Variants in CLTCL1 observed in about 807,000 individuals in gnomAD.
CLTCL1 encodes clathrin heavy chain 2.
In CLTCL1, 159 loss-of-function variants were observed where a neutral mutation model predicts 190.0. The observed-to-expected ratio is 0.84, with a 90% CI of 0.74 to 0.95. CLTCL1 has a LOEUF of 0.95. Among genes scored for constraint, CLTCL1 ranks in the 40% least tolerant of loss-of-function variants. The pLI is 0.00. For missense variants in CLTCL1, 1,878 were observed against 2,033.4 expected (o/e 0.92, Z 1.47); for synonymous variants, 752 against 769.6 (o/e 0.98, Z 0.38).
chr22:19,238,544 C>A, intron 5 of CLTCL1: 1 of 217,784 alleles, frequency 4.6e-6, no homozygotes, highest in South Asian at 8.2e-5. Flanking sequence ...ACGGAACCAC[C>A]ACAGGCCCTG....
intron 1 of CLTCL1, among the ~76,000 whole-genome samples, chr22:19,287,909 C>G (rs1555991043): frequency 6.6e-6 from 1 of 152,204 alleles, no homozygotes; most frequent in African/African-American, 2.4e-5. Context: ...CACAAGGACA[C>G]AGTGCTTTAC....
intron 32 of CLTCL1, 94 bp downstream of exon 32, chr22:19,180,105 C>G: frequency 1.8e-6 from 2 of 1,134,020 alleles, no homozygotes; most frequent in Non-Finnish European, 2.6e-6. Flanking sequence ...GCTGAGGCCC[C>G]AAGAGAGCAG....
intron 29 of CLTCL1, among the ~76,000 whole-genome samples, chr22:19,186,037 T>A (rs1225671634): frequency 6.6e-6 from 1 of 152,178 alleles, no homozygotes; most frequent in East Asian, 1.9e-4. Context: ...TCCAGAACAC[T>A]GGAGGTGACA....
At chr22:19,186,371 A>C (rs1283525791) in intron 29 of CLTCL1, among the ~76,000 whole-genome samples, 1 of 151,900 alleles carries the variant, frequency 6.6e-6, no homozygotes, top group African/African-American at 2.4e-5. Context: ...AGAGGATGTT[A>C]ATGCCTTCAG....
Position 19,254,109 on chromosome 22 carries a change from G to C in CLTCL1, c.369C>G (p.Thr123=), listed in dbSNP as rs782184430. The C allele has an allele frequency of 1.2e-6, 2 of 1,613,032 alleles. No individual in the cohort carries two copies. The highest frequency in any genetic ancestry group is 1.7e-6 in the Non-Finnish European group (2 of 1,179,446). Residue 123 remains threonine, a synonymous_variant, in exon 3 of 33, where the codon ACC becomes ACG. Transcript: ENST00000427926. ...TGCTCCAGTGGTAGACCGCGGTCTCGGTCACCAAGGCAACAGTGTTCACAG... is the reference window on the plus strand; with the variant it reads ...TGCTCCAGTGGTAGACCGCGGTCTCCGTCACCAAGGCAACAGTGTTCACAG... ...WVSVNTVALV[T]ETAVYHWSME... is the part of the protein sequence containing the mutation.
chr22:19,263,937 G>A (rs1555976779), intron 2 of CLTCL1, among the ~76,000 whole-genome samples: 1 of 151,920 alleles, frequency 6.6e-6, no homozygotes, highest in African/African-American at 2.4e-5. Context: ...TATCTGACAA[G>A]GGGTTAATAT....
At chr22:19,256,354 C>CTTTTTTTTTTTTTTTTTTTTTTTT (rs1239133099) in intron 2 of CLTCL1, among the ~76,000 whole-genome samples, 6 of 104,336 alleles carry the variant, frequency 5.8e-5, no homozygotes, top group Admixed American at 1.2e-4. Flanking sequence ...TTTCTTTTAT[C>CTTTTTTTTTTTTTTTTTTTTTTTT]TTTTTTTTTT....
chr22:19,214,821 C>T (rs1453888701), intron 19 of CLTCL1, among the ~76,000 whole-genome samples: 1 of 152,040 alleles, frequency 6.6e-6, no homozygotes, highest in African/African-American at 2.4e-5. Flanking sequence ...GCTGGGATTA[C>T]AGGCACCTGC....
Position 19,233,230 on chromosome 22 carries a change from C to T in CLTCL1, c.1457G>A (p.Ser486Asn), listed in dbSNP as rs781942647. ...TTCTGCAAAACACTGGATCACTTTG[C>T]TTGGCACATTTGCCCGAAGGTACAC... ...LSVYLRANVP[S>N]KVIQCFAETG... is the part of the protein sequence containing the mutation. Residue 486 changes from serine to asparagine, a missense_variant, in exon 9 of 33, where the codon AGC becomes AAC. Coordinates refer to ENST00000427926, the MANE Select transcript of CLTCL1 (RefSeq NM_007098.4). 2.5e-6 allele frequency: 4 copies of T among 1,614,012 alleles called. No individual in the cohort carries two copies. The highest frequency in any genetic ancestry group is 3.4e-6 in the Non-Finnish European group (4 of 1,179,882).
rs116271063 is a variant in CLTCL1, at chr22:19,181,625, A to C, written c.4828-819T>G. On this transcript the variant is annotated intron_variant, in intron 30 of 32. Coordinates refer to ENST00000427926, the MANE Select transcript of CLTCL1 (RefSeq NM_007098.4). ...GGATGGCCCTCAAGCTTCCCAGATG[A>C]GCCACGAGGCCCCAGGCCCAGCTGT... 2,548 of 152,462 alleles carry C rather than the reference A, an allele frequency of 0.017. 148 individuals are homozygous for C. The East Asian group carries it at 0.2, about 12-fold the overall frequency. The allele number at this position is 152,462 out of a possible 1,614,324, so 9.4% of individuals were successfully genotyped here.
chr22:19,204,955 C>G (rs2085005490), intron 22 of CLTCL1, among the ~76,000 whole-genome samples: 1 of 152,234 alleles, frequency 6.6e-6, no homozygotes, highest in Non-Finnish European at 1.5e-5. Flanking sequence ...AGCTTCTGCT[C>G]TGGCCCACAG....
At chr22:19,201,830 C>T (rs1451178376) in intron 22 of CLTCL1, among the ~76,000 whole-genome samples, 5 of 152,118 alleles carry the variant, frequency 3.3e-5, no homozygotes, top group Non-Finnish European at 7.4e-5. Context: ...CCTTCCTCCT[C>T]AATAAAAACC....
At chr22:19,218,437 A>G (rs1331335224) in intron 18 of CLTCL1, among the ~76,000 whole-genome samples, 1 of 152,242 alleles carries the variant, frequency 6.6e-6, no homozygotes, top group Non-Finnish European at 1.5e-5. Flanking sequence ...TTCAAAATAA[A>G]AAGTTTATTT....
At chr22:19,200,036 G>C (rs1481506200) in intron 23 of CLTCL1, among the ~76,000 whole-genome samples, 195 bp from the exon 24 acceptor site, 2 of 152,216 alleles carry the variant, frequency 1.3e-5, no homozygotes, top group Non-Finnish European at 2.9e-5. Context: ...TAATCTGCAG[G>C]CCAAGGGGGT....
intron 14 of CLTCL1, 145 bp downstream of exon 14, chr22:19,223,745 GC>G: frequency 6.0e-6 from 5 of 839,330 alleles, no homozygotes; most frequent in Non-Finnish European, 9.2e-6. Flanking sequence ...AGAACTTTAA[GC>G]CATAAAGTGG....
chr22:19,191,250 C>T, intron 27 of CLTCL1, 54 bp downstream of exon 27: 7 of 1,604,050 alleles, frequency 4.4e-6, no homozygotes, highest in Non-Finnish European at 6.0e-6. Flanking sequence ...ATTCAGATGA[C>T]TTTGTTAGAG....
At chr22:19,279,040 A>G (rs1555984958) in intron 1 of CLTCL1, among the ~76,000 whole-genome samples, 1 of 150,428 alleles carries the variant, frequency 6.6e-6, no homozygotes, top group Non-Finnish European at 1.5e-5. Context: ...CCACAACTGG[A>G]TAGATTAGTG....
intron 2 of CLTCL1, chr22:19,257,844 C>A (rs782260380): frequency 1.4e-6 from 2 of 1,421,444 alleles, no homozygotes; most frequent in South Asian, 2.2e-5. Flanking sequence ...GAATTAGAGG[C>A]TGGAGAGCAA....
chr22:19,180,656 C>A lies in CLTCL1; in HGVS notation c.4903+75G>T, dbSNP rs935272481. 1.5e-4 allele frequency: 225 copies of A among 1,463,288 alleles called. No individual in the cohort carries two copies. In the East Asian group the frequency reaches 4.7e-3, roughly 31 times the overall value. The allele number at this position is 1,463,288 out of a possible 1,614,324, so 90.6% of individuals were successfully genotyped here. On this transcript the variant is annotated intron_variant, in intron 31 of 32. Coordinates refer to ENST00000427926, the MANE Select transcript of CLTCL1 (RefSeq NM_007098.4). ...TTCCCATCCCCATCCAAAGCCCAGC[C>A]AGGTAAGGGCAGTGGGACTTTGACT...
Sources: gnomAD v4.1 joint callset for allele counts (sites outside exome capture counted in the v4.1 genomes callset) on GRCh38, gnomAD v4.1.1 for gene constraint, MANE v1.5 for transcripts, NCBI Gene and HGNC (gene_info 2026-07-23, HGNC 2026-07-21) for gene names.